SNCAIP: variants seen among roughly 807,000 people sequenced by gnomAD.
SNCAIP encodes the protein synphilin-1.
In SNCAIP, 43 loss-of-function variants were observed where a neutral mutation model predicts 86.7. That is an observed-to-expected ratio of 0.50 (90% CI 0.39 to 0.64). The LOEUF (loss-of-function observed/expected upper bound fraction) is 0.64, where lower values mean the gene tolerates loss of function less well. Ranked by LOEUF, SNCAIP falls within the 30% of genes least tolerant of loss-of-function variation. The pLI is 0.00. For missense variants in SNCAIP, 981 were observed against 1,103.1 expected, an observed-to-expected ratio of 0.89 and a Z score of 1.57; for synonymous variants, 417 against 427.2, an observed-to-expected ratio of 0.98 and a Z score of 0.29.
intron 1 of SNCAIP, among the ~76,000 whole-genome samples, chr5:122,357,375 A>G (rs937409578): frequency 1.3e-5 from 2 of 151,984 alleles, no homozygotes; most frequent in African/African-American, 4.8e-5. Context: ...AGCTAGGACT[A>G]CAGGCACACA....
chr5:122,406,701 C>G (rs886925471), intron 3 of SNCAIP, among the ~76,000 whole-genome samples: 1 of 152,132 alleles, frequency 6.6e-6, no homozygotes, highest in African/African-American at 2.4e-5. Flanking sequence ...GCCTCATTCC[C>G]CCTTTGCCGT....
chr5:122,450,683 A>G lies in SNCAIP; in HGVS notation c.1836A>G (p.Lys612=). ...SASSRARPKA[K]DEDSDKILRQ... ...CCAGCCGGGCTAGACCCAAAGCAAAAGATGAAGATTCTGATAAAATCTTAC... is the reference window on the plus strand; with the variant it reads ...CCAGCCGGGCTAGACCCAAAGCAAAGGATGAAGATTCTGATAAAATCTTAC... Residue 612 remains lysine, a synonymous_variant, in exon 10 of 11, where the codon AAA becomes AAG. Transcript: ENST00000261368. 4 of 1,614,200 alleles carry G rather than the reference A, an allele frequency of 2.5e-6. No individual in the cohort carries two copies. Among genetic ancestry groups the G allele is most frequent in the Non-Finnish European group, 3.4e-6 (4 of 1,180,020 alleles).
Position 122,423,287 on chromosome 5 carries a change from A to G in SNCAIP, c.550A>G (p.Ile184Val). The G allele has an allele frequency of 6.2e-7, 1 of 1,614,194 alleles. No individual in the cohort carries two copies. Among genetic ancestry groups the G allele is most frequent in the Non-Finnish European group, 8.5e-7 (1 of 1,180,010 alleles). ...AAGAATTTTGGGCTTATGCACAACC[A>G]TCAATGGCCTTTCTGGCAAAGCCTG... is the stretch of plus-strand genomic sequence containing the variant. ...EKRILGLCTT[I>V]NGLSGKACST... is the part of the protein sequence containing the mutation. Residue 184 changes from isoleucine (I) to valine (V), a missense_variant, in exon 4 of 11, where the codon ATC becomes GTC. Transcript: ENST00000261368.
chr5:122,440,839 G>A (rs2152970782), intron 7 of SNCAIP, 85 bp downstream of exon 7: 1 of 1,261,114 alleles, frequency 7.9e-7, no homozygotes, highest in South Asian at 1.2e-5. Context: ...CTAGGAGAAT[G>A]TCTGAATTAA....
At chr5:122,391,570 G>A (rs1435142970) in intron 2 of SNCAIP, among the ~76,000 whole-genome samples, 1 of 152,200 alleles carries the variant, frequency 6.6e-6, no homozygotes, top group Non-Finnish European at 1.5e-5. Context: ...CAGGGACACT[G>A]ACTAAAGAAT....
At chr5:122,435,493 A>G (rs762650699) in intron 6 of SNCAIP, among the ~76,000 whole-genome samples, 36 of 152,156 alleles carry the variant, frequency 2.4e-4, no homozygotes, top group Non-Finnish European at 4.6e-4. Flanking sequence ...GTTACTTTCA[A>G]CATCAAACCT....
At chr5:122,398,464 A>G (rs1386746625) in intron 2 of SNCAIP, among the ~76,000 whole-genome samples, 1 of 152,140 alleles carries the variant, frequency 6.6e-6, no homozygotes, top group Non-Finnish European at 1.5e-5. Context: ...TTAGAAAAAT[A>G]TTATGTTCTG....
At chr5:122,459,263 G>A (rs979413686) in intron 10 of SNCAIP, among the ~76,000 whole-genome samples, 2 of 152,314 alleles carry the variant, frequency 1.3e-5, no homozygotes, top group Non-Finnish European at 1.5e-5. Flanking sequence ...CGTGCGTGCC[G>A]TGGACCATTC....
chr5:122,348,324 T>C (rs1759042374), intron 1 of SNCAIP, among the ~76,000 whole-genome samples: 1 of 152,166 alleles, frequency 6.6e-6, no homozygotes, highest in Admixed American at 6.5e-5. Context: ...GGAATTATGG[T>C]ATAGGCAATT....
At chr5:122,354,857 A>G (rs1405109015) in intron 1 of SNCAIP, among the ~76,000 whole-genome samples, 1 of 152,180 alleles carries the variant, frequency 6.6e-6, no homozygotes, top group Admixed American at 6.5e-5. Flanking sequence ...CATATTTTGT[A>G]TTGCATTTCA....
rs1776650140 is a variant in SNCAIP, at chr5:122,422,814, G to T, written c.131-54G>T. The T allele has an allele frequency of 2.1e-6, 3 of 1,456,238 alleles. No homozygotes were observed. In the East Asian group the frequency reaches 6.9e-5, roughly 33 times the overall value. 90.2% of individuals were successfully genotyped at this position (1,456,238 alleles called of 1,614,324 possible). A position where few individuals can be genotyped will look rare whatever the true frequency, so the allele number is the denominator to read the frequency against. On this transcript the variant is annotated intron_variant, in intron 3 of 10. Coordinates refer to ENST00000261368, the MANE Select transcript of SNCAIP (RefSeq NM_005460.4). Reference sequence around the variant, plus strand: ...GAACCACATCTACCTGCATAGCCAAGATGTGTTCAGCATTCCAGATTAATA... The same window carrying T: ...GAACCACATCTACCTGCATAGCCAATATGTGTTCAGCATTCCAGATTAATA...
intron 1 of SNCAIP, among the ~76,000 whole-genome samples, chr5:122,368,224 T>C (rs1258953201): frequency 6.6e-6 from 1 of 152,144 alleles, no homozygotes; most frequent in Non-Finnish European, 1.5e-5. Context: ...GATACCCTAG[T>C]GTTCCAGGTA....
intron 1 of SNCAIP, among the ~76,000 whole-genome samples, chr5:122,338,357 A>C (rs1756917295): frequency 6.6e-6 from 1 of 152,226 alleles, no homozygotes; most frequent in African/African-American, 2.4e-5. Context: ...TTACACTTGC[A>C]TGTGTGTTCA....
intron 8 of SNCAIP, 74 bp from the exon 9 acceptor site, chr5:122,449,771 A>G (rs928363740): frequency 4.9e-6 from 5 of 1,019,252 alleles, no homozygotes; most frequent in African/African-American, 3.2e-5. Flanking sequence ...AATTATTACG[A>G]AAAATATTAT....
intron 6 of SNCAIP, chr5:122,436,820 T>C: frequency 6.6e-6 from 1 of 152,190 alleles, no homozygotes; most frequent in East Asian, 1.9e-4. Flanking sequence ...AATTGCCTCT[T>C]TAAACAACTT....
Position 122,440,678 on chromosome 5 carries a change from C to T in SNCAIP, c.1346C>T (p.Ser449Leu). Residue 449 changes from serine to leucine, a missense_variant, in exon 7 of 11, where the codon TCG (serine) becomes TTG (leucine). By Grantham distance (145) the Ser-to-Leu change is moderately radical. Transcript: ENST00000261368. ...LLQFMQEQGI[S>L]LDEVDQDGNS... ...CAGTTTATGCAAGAACAGGGCATCTCGTTGGATGAAGTAGACCAGGATGGC... is the reference window on the plus strand; with the variant it reads ...CAGTTTATGCAAGAACAGGGCATCTTGTTGGATGAAGTAGACCAGGATGGC... 2.5e-6 allele frequency: 4 copies of T among 1,613,712 alleles called. No individual in the cohort carries two copies. The highest frequency in any genetic ancestry group is 1.1e-5 in the South Asian group (1 of 91,068).
chr5:122,352,967 T>A (rs2278462), intron 1 of SNCAIP, among the ~76,000 whole-genome samples: 33,958 of 152,150 alleles, frequency 0.22, 5,340 homozygotes, highest in African/African-American at 0.45. Context: ...TACAGAACCC[T>A]TCTACCTGGG....
chr5:122,417,211 G>A (rs1775483847), intron 3 of SNCAIP, among the ~76,000 whole-genome samples: 1 of 152,198 alleles, frequency 6.6e-6, no homozygotes, highest in African/African-American at 2.4e-5. Context: ...TAATTTATCA[G>A]TCTTAGGAGC....
chr5:122,384,879 C>A (rs185695094), intron 1 of SNCAIP, among the ~76,000 whole-genome samples: 285 of 152,334 alleles, frequency 1.9e-3, no homozygotes, highest in African/African-American at 6.4e-3. Context: ...ACCCCACCCT[C>A]ACCATCACGC....
Sources: allele counts gnomAD v4.1 joint callset (sites outside exome capture counted in the v4.1 genomes callset), GRCh38; gene constraint gnomAD v4.1.1; transcripts MANE v1.5; gene names NCBI Gene and HGNC (gene_info 2026-07-23, HGNC 2026-07-21).